Variants in INTS2 observed in about 807,000 individuals in gnomAD.
INTS2 encodes integrator complex subunit 2, also known as KIAA1287.
Under a neutral mutation model 139.6 loss-of-function variants are expected in INTS2, and 57 were observed. The observed-to-expected ratio is 0.41, with a 90% CI of 0.33 to 0.51. The LOEUF is 0.51. Among genes scored for constraint, INTS2 ranks in the 20% least tolerant of loss-of-function variants. The pLI, the probability that INTS2 is intolerant of heterozygous loss-of-function variation, is 0.28. For synonymous variants in INTS2, 473 were observed against 493.4 expected (o/e 0.96, Z 0.55); for missense variants, 1,196 against 1,436.7 (o/e 0.83, Z 2.71).
At chr17:61,900,761 C>G (rs1395592670) in intron 9 of INTS2, among the ~76,000 whole-genome samples, 2 of 151,980 alleles carry the variant, frequency 1.3e-5, no homozygotes. Context: ...AGTTCGAGAC[C>G]AGCCTGACCA....
At chr17:61,883,729 G>A (rs2079198509) in intron 16 of INTS2, among the ~76,000 whole-genome samples, 1 of 148,098 alleles carries the variant, frequency 6.8e-6, no homozygotes, top group Non-Finnish European at 1.5e-5. Context: ...TCCAGCCTGT[G>A]AGACAAGAGC....
chr17:61,885,026 AAAAT>A (rs752824575), intron 15 of INTS2, 21 bp from the exon 16 acceptor site: 9 of 1,429,008 alleles, frequency 6.3e-6, no homozygotes, highest in Non-Finnish European at 8.7e-6. Context: ...TAAAAAGTGT[AAAAT>A]AAATAAAATG....
rs2079173055 is a variant in INTS2, at chr17:61,880,991, CAAT to C, written c.2254+13_2254+15del. 2 of 1,601,346 alleles carry C rather than the reference CAAT, an allele frequency of 1.2e-6. No homozygotes were observed. The highest frequency in any genetic ancestry group is 2.7e-5 in the African/African-American group (2 of 74,786). On this transcript the variant is annotated intron_variant, in intron 17 of 24. Transcript: ENST00000251334. ...ACTACAAAAGGGGTTAAAGGAGTATCAATAATTTACTATACCTTCTTGGAGTTG... is the reference window on the plus strand; with the variant it reads ...ACTACAAAAGGGGTTAAAGGAGTATCAATTTACTATACCTTCTTGGAGTTG...
intron 5 of INTS2, among the ~76,000 whole-genome samples, chr17:61,916,994 T>A (rs2143142723): frequency 6.6e-6 from 1 of 152,098 alleles, no homozygotes; most frequent in South Asian, 2.1e-4. Flanking sequence ...AACAGATACT[T>A]CTCAAAAGAA....
chr17:61,889,659 A>G, intron 15 of INTS2, 127 bp downstream of exon 15: 1 of 563,496 alleles, frequency 1.8e-6, no homozygotes, highest in Non-Finnish European at 3.2e-6. Flanking sequence ...CCCACATTGC[A>G]AAGATTATAA....
chr17:61,898,158 C>T (rs985289255), intron 9 of INTS2, among the ~76,000 whole-genome samples: 2 of 152,086 alleles, frequency 1.3e-5, no homozygotes, highest in African/African-American at 2.4e-5. Flanking sequence ...CAGTAATGAG[C>T]AGTCCATCTT....
intron 14 of INTS2, 55 bp downstream of exon 14, chr17:61,891,458 T>A (rs930401465): frequency 7.5e-7 from 1 of 1,333,618 alleles, no homozygotes; most frequent in East Asian, 2.3e-5. Context: ...ATGGGTTAAG[T>A]AAGAAGAACT....
At chr17:61,911,861 A>G in intron 6 of INTS2, 79 bp downstream of exon 6, 1 of 1,504,650 alleles carries the variant, frequency 6.6e-7, no homozygotes, top group South Asian at 1.3e-5. Context: ...CCACCTCTAC[A>G]GGACTCTAAA....
chr17:61,926,517 CG>C lies in INTS2; in HGVS notation c.127del (p.Arg43GlyfsTer45). 1 of 1,613,876 alleles carries C rather than the reference CG, an allele frequency of 6.2e-7. No homozygotes were observed. Among genetic ancestry groups the C allele is most frequent in the Non-Finnish European group, 8.5e-7 (1 of 1,179,824 alleles). On this transcript the variant is annotated frameshift_variant, in exon 2 of 25. Coordinates refer to ENST00000251334, the MANE Select transcript of INTS2 (RefSeq NM_001351695.2). LOFTEE classifies it high-confidence loss of function. ...ELRLLLPCLVRMALCAPADQS... is the reference protein window; with the variant it reads ...ELRLLLPCLVXMALCAPADQS... ...GTCAGCAGGTGCACAAAGTGCCATC[CG>C]TACCAAACAGGGCAGAAGAAGTCTT...
intron 16 of INTS2, among the ~76,000 whole-genome samples, chr17:61,883,377 A>G (rs1387872817): frequency 6.6e-6 from 1 of 151,812 alleles, no homozygotes; most frequent in African/African-American, 2.4e-5. Flanking sequence ...TTATACAAAG[A>G]CATAAGTAAA....
At chr17:61,917,251 G>C (rs538630068) in intron 5 of INTS2, among the ~76,000 whole-genome samples, 8 of 152,260 alleles carry the variant, frequency 5.3e-5, no homozygotes, top group African/African-American at 1.9e-4. Flanking sequence ...ACTTAAAACA[G>C]AACTACCATT....
chr17:61,869,907 A>T lies in INTS2; in HGVS notation c.2860T>A (p.Leu954Met). The T allele has an allele frequency of 1.9e-6, 3 of 1,613,890 alleles. No individual in the cohort carries two copies. The highest frequency in any genetic ancestry group is 2.5e-6 in the Non-Finnish European group (3 of 1,179,802). ...ATAACACTTTGAACATTTCTTAACA[A>T]GCTATCTGGATTGACACCATTTGCT... ...EKANGVNPDSLLRNVQSVITT... is the reference protein window; with the variant it reads ...EKANGVNPDSMLRNVQSVITT... The change falls in exon 21 of 25, where the codon TTG becomes ATG. Residue 954 changes from leucine (L) to methionine (M), a missense_variant. By Grantham distance (15) the Leu-to-Met change is conservative. Coordinates refer to ENST00000251334, the MANE Select transcript of INTS2 (RefSeq NM_001351695.2). This position sits in a 1 kb window ranked among gnomAD's most constrained non-coding sequence, Gnocchi z 5.4.
chr17:61,916,514 A>T (rs1438334504), intron 5 of INTS2, among the ~76,000 whole-genome samples: 4 of 152,198 alleles, frequency 2.6e-5, no homozygotes, highest in Non-Finnish European at 5.9e-5. Context: ...CAATCATCTG[A>T]TCTTCAACAA....
chr17:61,880,875 T>C, intron 17 of INTS2, 132 bp downstream of exon 17: 2 of 697,804 alleles, frequency 2.9e-6, no homozygotes, highest in South Asian at 4.1e-5. Flanking sequence ...GAGTATTTTA[T>C]ATACTTAAAA....
intron 8 of INTS2, among the ~76,000 whole-genome samples, chr17:61,905,225 G>C (rs2143068165): frequency 6.6e-6 from 1 of 152,134 alleles, no homozygotes; most frequent in East Asian, 1.9e-4. Flanking sequence ...ACAGGTGTAA[G>C]TCACTGTACC....
In INTS2 at chr17:61,878,212, T is replaced by C. The variant is rs535236330; in HGVS notation, c.2255-124A>G. 4.7e-5 allele frequency: 30 copies of C among 634,430 alleles called. No homozygotes were observed. In the East Asian group the frequency reaches 6.8e-4, roughly 14 times the overall value. 39.3% of individuals were successfully genotyped at this position (634,430 alleles called of 1,614,324 possible). A position where few individuals can be genotyped will look rare whatever the true frequency, so the allele number is the denominator to read the frequency against. The stretch of plus-strand genomic sequence containing the variant: ...AAACAATGTGGCTAAAAAGTAACTA[T>C]AGTTACTTGCTATTGTTTCCTACAG... On this transcript the variant is annotated intron_variant, in intron 17 of 24. Coordinates refer to ENST00000251334, the MANE Select transcript of INTS2 (RefSeq NM_001351695.2).
At chr17:61,911,719 A>G (rs773391089) in intron 6 of INTS2, 26 bp from the exon 7 acceptor site, 20 of 1,598,568 alleles carry the variant, frequency 1.3e-5, no homozygotes, top group Non-Finnish European at 1.7e-5. Flanking sequence ...AAACAAACTG[A>G]ATTCAGTATC....
Position 61,907,562 on chromosome 17 carries a change from G to A in INTS2, c.1027C>T (p.Leu343Phe), listed in dbSNP as rs759831289. ...ATTCGGGTGCTTCTTACTGTGGGAA[G>A]AATGCCCATCAACTCCAGAAGAAGC... ...RQLLLELMGI[L>F]PTVRSTRIVE... The change falls in exon 8 of 25, where the codon CTT (leucine) becomes TTT (phenylalanine). Residue 343 changes from leucine to phenylalanine, a missense_variant. Physicochemically the swap from Leu to Phe is conservative, Grantham distance 22. Coordinates refer to ENST00000251334, the MANE Select transcript of INTS2 (RefSeq NM_001351695.2). 2 of 1,593,970 alleles carry A rather than the reference G, an allele frequency of 1.3e-6. No individual in the cohort carries two copies. Among genetic ancestry groups the A allele is most frequent in the Non-Finnish European group, 1.7e-6 (2 of 1,169,756 alleles).
chr17:61,886,908 C>G (rs2079234580), intron 15 of INTS2, among the ~76,000 whole-genome samples: 1 of 152,090 alleles, frequency 6.6e-6, no homozygotes, highest in Admixed American at 6.6e-5. Flanking sequence ...CACATATATA[C>G]CATATACTCT....
Sources: gnomAD v4.1 joint callset for allele counts (sites outside exome capture counted in the v4.1 genomes callset) on GRCh38, gnomAD v4.1.1 for gene constraint, Gnocchi (gnomAD v3.1) non-coding constraint, MANE v1.5 for transcripts, NCBI Gene and HGNC (gene_info 2026-07-23, HGNC 2026-07-21) for gene names.